Variants in ACSBG1 observed in about 807,000 individuals in gnomAD.
ACSBG1 encodes the protein acyl-CoA synthetase bubblegum family member 1.
Under a neutral mutation model 80.2 loss-of-function variants are expected in ACSBG1, and 39 were observed. The observed-to-expected ratio is 0.49, with a 90% CI of 0.38 to 0.64. The LOEUF is 0.64. ACSBG1 is among the 30% of genes least tolerant of loss of function. ACSBG1 has a pLI of 0.00. For missense variants in ACSBG1, 828 were observed against 966.4 expected, an observed-to-expected ratio of 0.86 and a Z score of 1.90; for synonymous variants, 392 against 379.5, an observed-to-expected ratio of 1.03 and a Z score of -0.38.
intron 1 of ACSBG1, among the ~76,000 whole-genome samples, chr15:78,213,066 C>T (rs922053626): frequency 1.3e-5 from 2 of 152,180 alleles, no homozygotes; most frequent in African/African-American, 4.8e-5. Context: ...GAACTGACTC[C>T]CCAATGGCTG....
intron 5 of ACSBG1, among the ~76,000 whole-genome samples, chr15:78,185,276 C>T (rs1204055500): frequency 6.6e-6 from 1 of 152,144 alleles, no homozygotes; most frequent in African/African-American, 2.4e-5. Context: ...CTCCATGAAG[C>T]TGGAGGAAGA....
intron 5 of ACSBG1, among the ~76,000 whole-genome samples, chr15:78,191,120 T>A (rs1309655214): frequency 1.3e-5 from 2 of 152,194 alleles, no homozygotes; most frequent in African/African-American, 4.8e-5. Flanking sequence ...CTATATTAAT[T>A]TGAGGCAAAA....
At chr15:78,215,760 A>AAG (rs1252332259) in intron 1 of ACSBG1, among the ~76,000 whole-genome samples, 19 of 147,432 alleles carry the variant, frequency 1.3e-4, no homozygotes, top group African/African-American at 4.4e-4. Context: ...GAAAGAAAGA[A>AAG]AGAAAGAAAG....
intron 5 of ACSBG1, among the ~76,000 whole-genome samples, chr15:78,189,079 A>G (rs1349195698): frequency 6.6e-6 from 1 of 152,052 alleles, no homozygotes; most frequent in Non-Finnish European, 1.5e-5. Flanking sequence ...AATGCTCACC[A>G]TCACTGGCCA....
chr15:78,218,330 G>A (rs775049746), intron 1 of ACSBG1, among the ~76,000 whole-genome samples: 2 of 152,134 alleles, frequency 1.3e-5, no homozygotes, highest in Non-Finnish European at 2.9e-5. Flanking sequence ...GAGGCATTGT[G>A]GGGGCATTGT....
chr15:78,227,811 G>T (rs947324932), intron 1 of ACSBG1, among the ~76,000 whole-genome samples: 1 of 152,208 alleles, frequency 6.6e-6, no homozygotes, highest in African/African-American at 2.4e-5. Context: ...ACGTACAGAC[G>T]AATGAACTAC....
chr15:78,186,830 G>C (rs985355154), intron 5 of ACSBG1, among the ~76,000 whole-genome samples: 25 of 152,120 alleles, frequency 1.6e-4, no homozygotes, highest in Non-Finnish European at 3.5e-4. Context: ...AATCAAAGCA[G>C]AACTGAATGA....
chr15:78,215,743 A>AAGAAAGAAAGG (rs1567096295), intron 1 of ACSBG1, among the ~76,000 whole-genome samples: 4 of 101,398 alleles, frequency 3.9e-5, no homozygotes, highest in African/African-American at 1.6e-4. Flanking sequence ...AGAAAGAAAG[A>AAGAAAGAAAGG]AAGAAAGAAA....
At chr15:78,219,917 A>C (rs1463968490) in intron 1 of ACSBG1, among the ~76,000 whole-genome samples, 1 of 152,208 alleles carries the variant, frequency 6.6e-6, no homozygotes, top group African/African-American at 2.4e-5. Context: ...CTGGAGGCGG[A>C]GCTTGCAGTG....
intron 2 of ACSBG1, among the ~76,000 whole-genome samples, chr15:78,197,017 T>C (rs1399123503): frequency 1.3e-5 from 2 of 151,706 alleles, no homozygotes; most frequent in East Asian, 1.9e-4. Flanking sequence ...TGAGCCATGA[T>C]TGCACCACTG....
chr15:78,232,135 CTT>C (rs1359578682), intron 1 of ACSBG1, among the ~76,000 whole-genome samples: 1 of 152,174 alleles, frequency 6.6e-6, no homozygotes, highest in Admixed American at 6.5e-5. Context: ...ATGGGTAACT[CTT>C]ATGCTTTGAA....
At chr15:78,203,104 G>A (rs143381785) in intron 2 of ACSBG1, among the ~76,000 whole-genome samples, 90 of 152,316 alleles carry the variant, frequency 5.9e-4, no homozygotes, top group African/African-American at 2.0e-3. Context: ...GATCTGTATC[G>A]AGAGACTTAG....
In ACSBG1 at chr15:78,178,657, G is replaced by A. The variant is rs2074907826; in HGVS notation, c.1659C>T (p.Arg553=). The change falls in exon 11 of 14, where the codon CGC becomes CGT. Residue 553 remains arginine (R), a synonymous_variant. Transcript: ENST00000258873. This position sits in a 1 kb window ranked among gnomAD's most constrained non-coding sequence, Gnocchi z 4.3. The part of the protein sequence containing the change: ...EGWLHTGDAG[R]LDADGFLYIT... ...TGTAGAGGAAGCCATCGGCGTCCAG[G>A]CGGCCAGCATCACCCGTGTGCAGCC... The A allele has an allele frequency of 6.2e-7, 1 of 1,613,914 alleles. No individual in the cohort carries two copies. Among genetic ancestry groups the A allele is most frequent in the African/African-American group, 1.3e-5 (1 of 75,062 alleles).
chr15:78,181,933 C>A (rs763251901), intron 8 of ACSBG1, 36 bp downstream of exon 8: 11 of 1,597,540 alleles, frequency 6.9e-6, no homozygotes, highest in Admixed American at 1.7e-5. Context: ...GCCTGGCACA[C>A]GGGCTCAGAC....
chr15:78,198,611 G>A (rs959562799), intron 2 of ACSBG1, among the ~76,000 whole-genome samples: 2 of 152,268 alleles, frequency 1.3e-5, no homozygotes, highest in African/African-American at 4.8e-5. Context: ...GCCTCCCAAA[G>A]TGCTGGGATT....
intron 1 of ACSBG1, among the ~76,000 whole-genome samples, chr15:78,231,648 A>G (rs890421920): frequency 2.0e-5 from 3 of 152,056 alleles, no homozygotes; most frequent in Non-Finnish European, 2.9e-5. Context: ...GCTAGAGTAC[A>G]GTGGTTAATA....
chr15:78,227,218 C>CAA lies in ACSBG1; in HGVS notation c.131+7151_131+7152dup, dbSNP rs56011241. 3.8e-3 allele frequency among the ~76,000 whole-genome samples: 205 copies of CAA among 53,760 alleles called. 12 individuals are homozygous for CAA. The highest frequency in any genetic ancestry group is 4.7e-3 in the Non-Finnish European group (139 of 29,400). The allele number at this position is 53,760 out of a possible 152,430, so 35.3% of individuals were successfully genotyped here. A position where few individuals can be genotyped will look rare whatever the true frequency, so the allele number is the denominator to read the frequency against. ...TGGGTGACAGAGCGAGACCCTGTCT[C>CAA]AAAAAAAAAAAAAAAAAAAAAAAAA... On this transcript the variant is annotated intron_variant, in intron 1 of 13. Transcript: ENST00000258873.
intron 1 of ACSBG1, among the ~76,000 whole-genome samples, chr15:78,217,566 AT>A (rs11302425): frequency 0.44 from 61,312 of 138,942 alleles, 13,534 homozygotes; most frequent in Non-Finnish European, 0.53. Context: ...TTTTGGAAAA[AT>A]TTTTTTTTTT....
In ACSBG1 at chr15:78,182,802, A is replaced by C. The variant is rs749024564; in HGVS notation, c.664-17T>G. On this transcript the variant is annotated splice_polypyrimidine_tract_variant and intron_variant, in intron 5 of 13. Coordinates refer to ENST00000258873, the MANE Select transcript of ACSBG1 (RefSeq NM_015162.5). The stretch of plus-strand genomic sequence containing the variant: ...TTTCCAGATCTGCATTGACAGGAAA[A>C]ATAGATCAGGTTTCAGTAAGAGAAA... 72 of 1,613,292 alleles carry C rather than the reference A, an allele frequency of 4.5e-5. No individual in the cohort carries two copies. Among genetic ancestry groups the C allele is most frequent in the Middle Eastern group, 1.6e-4 (1 of 6,082 alleles).
Sources: gnomAD v4.1 joint callset for allele counts (sites outside exome capture counted in the v4.1 genomes callset) on GRCh38, gnomAD v4.1.1 for gene constraint, Gnocchi (gnomAD v3.1) non-coding constraint, MANE v1.5 for transcripts, NCBI Gene and HGNC (gene_info 2026-07-23, HGNC 2026-07-21) for gene names.